H1-8: variants seen among roughly 807,000 people sequenced by gnomAD.
The protein encoded by H1-8 is histone H1.8.
Under a neutral mutation model 19.5 loss-of-function variants are expected in H1-8, and 13 were observed. The observed-to-expected ratio is 0.67, with a 90% CI of 0.43 to 1.06. The LOEUF is 1.06. Ranked by LOEUF, H1-8 falls within the 50% of genes least tolerant of loss-of-function variation. The pLI, the probability that H1-8 is intolerant of heterozygous loss-of-function variation, is 0.00. For missense variants in H1-8, 432 were observed against 459.8 expected (o/e 0.94, Z 0.55); for synonymous variants, 193 against 187.6 (o/e 1.03, Z -0.24).
In H1-8 at chr3:129,547,375, T is replaced by TGCCATCTCTCCTCAGGCCC. The variant is rs1341115791; in HGVS notation, c.89-14_93dup. ...TGTGACTGGGCCCCGGGTGATGGCC[T>TGCCATCTCTCCTCAGGCCC]GCCATCTCTCCTCAGGCCCGAGCCA... On this transcript the variant is annotated splice_polypyrimidine_tract_variant and intron_variant, in intron 1 of 4. Transcript: ENST00000324382. The TGCCATCTCTCCTCAGGCCC allele has an allele frequency of 1.1e-5, 16 of 1,473,866 alleles. No homozygotes were observed. The highest frequency in any genetic ancestry group is 9.0e-7 in the Non-Finnish European group (1 of 1,115,826). 91.3% of individuals were successfully genotyped at this position (1,473,866 alleles called of 1,614,324 possible). A position where few individuals can be genotyped will look rare whatever the true frequency, so the allele number is the denominator to read the frequency against.
In H1-8 at chr3:129,551,256, A is replaced by G; in HGVS notation, c.957A>G (p.Thr319=). The G allele has an allele frequency of 6.2e-7, 1 of 1,614,200 alleles. No individual in the cohort carries two copies. ...KVVPAHLSRK[T]EAPKGPRKAG... ...TACCTGCACATTTGTCCAGGAAGAC[A>G]GAGGCCCCCAAGGGCCCTAGAAAGG... is the stretch of plus-strand genomic sequence containing the variant. The change falls in exon 5 of 5, where the codon ACA becomes ACG. Residue 319 remains threonine (T), a synonymous_variant. Transcript: ENST00000324382.
In H1-8 at chr3:129,550,743, AG is replaced by A. The variant is rs759287134; in HGVS notation, c.743del. 16 of 1,613,464 alleles carry A rather than the reference AG, an allele frequency of 9.9e-6. No homozygotes were observed. Among genetic ancestry groups the A allele is most frequent in the Non-Finnish European group, 1.4e-5 (16 of 1,179,544 alleles). Reference sequence around the variant, plus strand: ...TATAAAACCTCCTCCATCAAATTCCAGGAGATGCTGAGGCCTACAGGAAAAC... The same window carrying A: ...TATAAAACCTCCTCCATCAAATTCCAGAGATGCTGAGGCCTACAGGAAAAC... On this transcript the variant is annotated splice_acceptor_variant, in intron 3 of 4. Coordinates refer to ENST00000324382, the MANE Select transcript of H1-8 (RefSeq NM_153833.3). LOFTEE classifies it high-confidence loss of function.
chr3:129,547,693 G>T lies in H1-8; in HGVS notation c.378+13G>T. 6.5e-7 allele frequency: 1 copy of T among 1,532,278 alleles called. No individual in the cohort carries two copies. The highest frequency in any genetic ancestry group is 1.2e-5 in the South Asian group (1 of 83,168). 94.9% of individuals were successfully genotyped at this position (1,532,278 alleles called of 1,614,324 possible). A position where few individuals can be genotyped will look rare whatever the true frequency, so the allele number is the denominator to read the frequency against. On this transcript the variant is annotated intron_variant, in intron 2 of 4. Transcript: ENST00000324382. ...TGGCAGCTTCAAAGTAAGCGCCCCT[G>T]AGGGAGGACATAGCCCAGGGTTGGA...
intron 2 of H1-8, chr3:129,548,554 T>C (rs1578290683): frequency 1.1e-6 from 1 of 925,306 alleles, no homozygotes; most frequent in Non-Finnish European, 1.3e-6. Flanking sequence ...AGCCCTCCCT[T>C]CCCTGCCGCT....
chr3:129,547,781 C>G, intron 2 of H1-8, 101 bp downstream of exon 2: 1 of 1,117,726 alleles, frequency 8.9e-7, no homozygotes, highest in South Asian at 1.6e-5. Context: ...CCTCCGGTCC[C>G]CTGTCCTTGT....
chr3:129,544,754 G>C (rs962763745), intron 1 of H1-8, among the ~76,000 whole-genome samples: 1 of 152,044 alleles, frequency 6.6e-6, no homozygotes, highest in Non-Finnish European at 1.5e-5. Context: ...CAGGCCAAGC[G>C]AAGACCCTTG....
chr3:129,544,880 G>A (rs1052638246), intron 1 of H1-8, among the ~76,000 whole-genome samples: 1 of 152,016 alleles, frequency 6.6e-6, no homozygotes, highest in Non-Finnish European at 1.5e-5. Flanking sequence ...CCGAGAACCC[G>A]GGAGTGACCC....
Position 129,550,812 on chromosome 3 carries a change from A to G in H1-8, c.807+3A>G. On this transcript the variant is annotated splice_donor_region_variant and intron_variant, in intron 4 of 4. Coordinates refer to ENST00000324382, the MANE Select transcript of H1-8 (RefSeq NM_153833.3). ...GTTCAAAACCCACGGCCAGCAAGGT[A>G]GGTGCCTGCATGAATTTCCTGGCCT... 1 of 1,611,916 alleles carries G rather than the reference A, an allele frequency of 6.2e-7. No homozygotes were observed. Among genetic ancestry groups the G allele is most frequent in the Non-Finnish European group, 8.5e-7 (1 of 1,178,752 alleles).
chr3:129,549,786 T>G (rs1393599012), intron 3 of H1-8, among the ~76,000 whole-genome samples: 2 of 152,104 alleles, frequency 1.3e-5, no homozygotes, highest in Non-Finnish European at 2.9e-5. Flanking sequence ...AACCCCCGTC[T>G]CTGCTAAAAA....
At position 129,551,164 on chromosome 3, in the gene H1-8, C is replaced by G; in HGVS notation, c.865C>G (p.Pro289Ala). 1 of 1,614,254 alleles carries G rather than the reference C, an allele frequency of 6.2e-7. No individual in the cohort carries two copies. The highest frequency in any genetic ancestry group is 8.5e-7 in the Non-Finnish European group (1 of 1,180,050). The part of the protein sequence containing the change: ...KKKVVAKAKA[P>A]KAGQGPNTKA... ...GAAGGTGGTGGCCAAGGCCAAGGCC[C>G]CTAAAGCTGGGCAGGGGCCAAACAC... Residue 289 changes from proline (P) to alanine (A), a missense_variant, in exon 5 of 5, where the codon CCT becomes GCT. Physicochemically the swap from Pro to Ala is conservative, Grantham distance 27. Transcript: ENST00000324382.
intron 1 of H1-8, among the ~76,000 whole-genome samples, chr3:129,544,949 T>A (rs961878912): frequency 2.6e-5 from 4 of 151,906 alleles, no homozygotes; most frequent in African/African-American, 9.7e-5. Context: ...ACTGGGCTCG[T>A]CATGGCCAGG....
chr3:129,550,932 A>G (rs2108756676), intron 4 of H1-8, 123 bp downstream of exon 4: 1 of 1,022,210 alleles, frequency 9.8e-7, no homozygotes, highest in East Asian at 2.6e-5. Context: ...TTTCCTACAA[A>G]GCACAGTCCA....
intron 1 of H1-8, among the ~76,000 whole-genome samples, chr3:129,544,100 C>G (rs1220666113): frequency 6.6e-6 from 1 of 152,058 alleles, no homozygotes; most frequent in Non-Finnish European, 1.5e-5. Context: ...GTGAGAGCAG[C>G]CTGCATGACC....
At chr3:129,546,174 A>G (rs2084887635) in intron 1 of H1-8, among the ~76,000 whole-genome samples, 1 of 151,192 alleles carries the variant, frequency 6.6e-6, no homozygotes, top group Admixed American at 6.6e-5. Context: ...TAATACAAAC[A>G]TTAGCCAGGC....
At chr3:129,543,611 G>A (rs1255095012) in intron 1 of H1-8, among the ~76,000 whole-genome samples, 2 of 150,674 alleles carry the variant, frequency 1.3e-5, no homozygotes, top group African/African-American at 2.4e-5. Flanking sequence ...TGCTGGGACC[G>A]TAGCCCGTAG....
At chr3:129,545,429 A>T (rs2625950) in intron 1 of H1-8, among the ~76,000 whole-genome samples, 57,307 of 152,040 alleles carry the variant, frequency 0.38, 16,923 homozygotes, top group African/African-American at 0.8. Flanking sequence ...ATTTGCAACT[A>T]TTTTATAACA....
chr3:129,550,817 C>A lies in H1-8; in HGVS notation c.807+8C>A. On this transcript the variant is annotated splice_region_variant and intron_variant, in intron 4 of 4. Coordinates refer to ENST00000324382, the MANE Select transcript of H1-8 (RefSeq NM_153833.3). The stretch of plus-strand genomic sequence containing the variant: ...AAACCCACGGCCAGCAAGGTAGGTG[C>A]CTGCATGAATTTCCTGGCCTGGCTG... 1 of 1,610,806 alleles carries A rather than the reference C, an allele frequency of 6.2e-7. No individual in the cohort carries two copies. Among genetic ancestry groups the A allele is most frequent in the Non-Finnish European group, 8.5e-7 (1 of 1,178,130 alleles).
rs769405492 is a variant in H1-8, at chr3:129,549,375, G to C, written c.742+11G>C. The C allele has an allele frequency of 3.8e-5, 60 of 1,562,346 alleles. No homozygotes were observed. Among genetic ancestry groups the C allele is most frequent in the Non-Finnish European group, 5.1e-5 (59 of 1,157,816 alleles). On this transcript the variant is annotated intron_variant, in intron 3 of 4. Transcript: ENST00000324382. ...GCAGGAGCAGCCAAGGTAGTTGTGT[G>C]ACTTGTAGGGGGTGGTGTGGGGATG...
chr3:129,549,135 C>T lies in H1-8; in HGVS notation c.513C>T (p.Gly171=). The T allele has an allele frequency of 6.3e-7, 1 of 1,578,060 alleles. No individual in the cohort carries two copies. The highest frequency in any genetic ancestry group is 8.6e-7 in the Non-Finnish European group (1 of 1,160,956). ...SEAKEDPPNV[G]KVKKAAKRPA... is the part of the protein sequence containing the mutation. Reference sequence around the variant, plus strand: ...CCAAGGAGGACCCTCCCAACGTGGGCAAGGTGAAAAAGGCAGCCAAGAGGC... The same window carrying T: ...CCAAGGAGGACCCTCCCAACGTGGGTAAGGTGAAAAAGGCAGCCAAGAGGC... Residue 171 remains glycine, a synonymous_variant, in exon 3 of 5, where the codon GGC becomes GGT. Transcript: ENST00000324382.
Sources: gnomAD v4.1 joint callset for allele counts (sites outside exome capture counted in the v4.1 genomes callset) on GRCh38, gnomAD v4.1.1 for gene constraint, MANE v1.5 for transcripts, NCBI Gene and HGNC (gene_info 2026-07-23, HGNC 2026-07-21) for gene names.